The following ZMIZ1 variants were observed in gnomAD, a reference collection of about 807,000 sequenced individuals.
The protein encoded by ZMIZ1 is zinc finger MIZ domain-containing protein 1.
ZMIZ1 carries 17 observed loss-of-function variants against 113.9 expected under a neutral mutation model. That is an observed-to-expected ratio of 0.15 (90% CI 0.10 to 0.22). The LOEUF (loss-of-function observed/expected upper bound fraction) is 0.22. Among genes scored for constraint, ZMIZ1 ranks in the 10% least tolerant of loss-of-function variants. The pLI is 1.00. For missense variants in ZMIZ1, 1,059 were observed against 1,477.8 expected (o/e 0.72, Z 4.65); for synonymous variants, 607 against 603.1 (o/e 1.01, Z -0.09).
At chr10:79,104,530 A>C (rs1282243409) in intron 1 of ZMIZ1, among the ~76,000 whole-genome samples, 2 of 152,216 alleles carry the variant, frequency 1.3e-5, no homozygotes, top group African/African-American at 4.8e-5. Context: ...GTGAATACCC[A>C]CCAAGGTACA....
intron 7 of ZMIZ1, among the ~76,000 whole-genome samples, chr10:79,248,811 A>G (rs1180040695): frequency 6.6e-6 from 1 of 152,104 alleles, no homozygotes; most frequent in East Asian, 1.9e-4. Context: ...CAGGCCCAGG[A>G]GGCTTTAAAT....
chr10:79,304,578 A>G (rs561163588), intron 19 of ZMIZ1, among the ~76,000 whole-genome samples: 9 of 152,334 alleles, frequency 5.9e-5, no homozygotes, highest in Non-Finnish European at 1.2e-4. Context: ...GCAGGCAGTG[A>G]CAGAGCAATG....
intron 4 of ZMIZ1, among the ~76,000 whole-genome samples, chr10:79,189,385 G>A (rs560070256): frequency 2.6e-5 from 4 of 152,292 alleles, no homozygotes; most frequent in South Asian, 2.1e-4. Context: ...CTCTGATGGA[G>A]CCGATAAGAC....
At chr10:79,175,282 C>T (rs1170142797) in intron 4 of ZMIZ1, among the ~76,000 whole-genome samples, 2 of 152,260 alleles carry the variant, frequency 1.3e-5, no homozygotes, top group Non-Finnish European at 2.9e-5. Flanking sequence ...TTCTGTCCCA[C>T]TGCCCTCACG....
In ZMIZ1 at chr10:79,296,389, C is replaced by T. The variant is rs889531120; in HGVS notation, c.1231-82C>T. ...AGGAGCAAATGAGGAGAGGCGGGCC[C>T]CATCCCGTTGTTCAGGTGACCTGGC... On this transcript the variant is annotated intron_variant, in intron 12 of 24. Transcript: ENST00000334512. The surrounding 1 kb of genome is among the most constrained non-coding windows in gnomAD (Gnocchi z 4.1). The T allele has an allele frequency of 6.1e-6, 9 of 1,478,680 alleles. No homozygotes were observed. The highest frequency in any genetic ancestry group is 7.5e-6 in the Non-Finnish European group (8 of 1,066,942). 91.6% of individuals were successfully genotyped at this position (1,478,680 alleles called of 1,614,324 possible).
chr10:79,304,955 A>G (rs1854579022), intron 19 of ZMIZ1, among the ~76,000 whole-genome samples: 1 of 152,050 alleles, frequency 6.6e-6, no homozygotes, highest in African/African-American at 2.4e-5. Context: ...GGGGCATGGG[A>G]GGTGGTGTGA....
At chr10:79,278,744 C>T (rs892160524) in intron 8 of ZMIZ1, among the ~76,000 whole-genome samples, 14 of 151,928 alleles carry the variant, frequency 9.2e-5, no homozygotes, top group East Asian at 3.9e-4. Flanking sequence ...TCAGAGAGCA[C>T]GGGGTTGGGG....
intron 4 of ZMIZ1, among the ~76,000 whole-genome samples, chr10:79,177,593 T>C (rs1262113147): frequency 6.6e-6 from 1 of 152,216 alleles, no homozygotes; most frequent in Non-Finnish European, 1.5e-5. Context: ...CCCTGCCTCC[T>C]GCCCCGGGAT....
rs546369607 is a variant in ZMIZ1, at chr10:79,228,618, T to C, written c.280+12344T>C. On this transcript the variant is annotated intron_variant, in intron 7 of 24. Transcript: ENST00000334512. ...CCCCTGTGAGCTGCCCAGGTCAGCA[T>C]GCATGGCAGAGCAAGGGCTCGGAGG... is the stretch of plus-strand genomic sequence containing the variant. 4.6e-5 allele frequency among the ~76,000 whole-genome samples: 7 copies of C among 152,370 alleles called. No individual in the cohort carries two copies. In the East Asian group the frequency reaches 7.7e-4, roughly 17 times the overall value.
intron 9 of ZMIZ1, chr10:79,290,660 C>T: frequency 3.3e-6 from 2 of 598,614 alleles, no homozygotes; most frequent in Non-Finnish European, 6.3e-6. Flanking sequence ...GCCTCTTCTC[C>T]CTTCACTGGG....
chr10:79,095,670 G>A (rs1843144439), intron 1 of ZMIZ1, among the ~76,000 whole-genome samples: 1 of 152,228 alleles, frequency 6.6e-6, no homozygotes, highest in Admixed American at 6.5e-5. Flanking sequence ...GCTACCGTGA[G>A]GAGGCCCCTC....
chr10:79,248,174 A>T (rs1319492850), intron 7 of ZMIZ1, among the ~76,000 whole-genome samples: 1 of 152,190 alleles, frequency 6.6e-6, no homozygotes, highest in Non-Finnish European at 1.5e-5. Context: ...TCTACACCCC[A>T]AGAGCTATAG....
intron 1 of ZMIZ1, among the ~76,000 whole-genome samples, chr10:79,098,527 A>G (rs1019746767): frequency 5.3e-5 from 8 of 152,220 alleles, no homozygotes; most frequent in Non-Finnish European, 8.8e-5. Context: ...TAATACTTGT[A>G]TGAGTGCCTG....
chr10:79,175,630 G>GT (rs1429011082), intron 4 of ZMIZ1, among the ~76,000 whole-genome samples: 9,117 of 96,434 alleles, frequency 0.095, 937 homozygotes, highest in African/African-American at 0.29. Flanking sequence ...GTGTGTGTGT[G>GT]GAGGTTTTTA....
intron 7 of ZMIZ1, among the ~76,000 whole-genome samples, chr10:79,227,740 T>C (rs547144873): frequency 8.7e-4 from 132 of 152,162 alleles, no homozygotes; most frequent in Non-Finnish European, 1.7e-3. Context: ...GGAACCCTTA[T>C]GTGTAGGTAG....
chr10:79,075,088 G>A lies in ZMIZ1; in HGVS notation c.-337+5818G>A, dbSNP rs148688831. 9.2e-5 allele frequency among the ~76,000 whole-genome samples: 14 copies of A among 152,322 alleles called. No individual in the cohort carries two copies. The East Asian group carries it at 2.7e-3, about 29-fold the overall frequency. ...GTTGAGGACAGACGGTGGGGGGACT[G>A]TGCTCTGCCCCAGCCCCAGCTCCAC... On this transcript the variant is annotated intron_variant, in intron 1 of 24. Coordinates refer to ENST00000334512, the MANE Select transcript of ZMIZ1 (RefSeq NM_020338.4).
chr10:79,137,272 G>A (rs1176762488), intron 2 of ZMIZ1, among the ~76,000 whole-genome samples: 1 of 152,164 alleles, frequency 6.6e-6, no homozygotes. Flanking sequence ...GCGGTGTTAT[G>A]TGCAGGCTGG....
At chr10:79,117,139 A>C (rs1419794425) in intron 1 of ZMIZ1, among the ~76,000 whole-genome samples, 1 of 152,254 alleles carries the variant, frequency 6.6e-6, no homozygotes, top group African/African-American at 2.4e-5. Context: ...CTGCAGCCTC[A>C]CAAGAGAGGC....
intron 3 of ZMIZ1, among the ~76,000 whole-genome samples, chr10:79,150,212 C>T (rs976454014): frequency 6.6e-6 from 1 of 152,230 alleles, no homozygotes; most frequent in African/African-American, 2.4e-5. Context: ...GAGTGGCCAC[C>T]CGCCCACCCA....
Sources: allele counts gnomAD v4.1 joint callset (sites outside exome capture counted in the v4.1 genomes callset), GRCh38; gene constraint gnomAD v4.1.1; non-coding constraint Gnocchi (gnomAD v3.1); transcripts MANE v1.5; gene names NCBI Gene and HGNC (gene_info 2026-07-23, HGNC 2026-07-21).